Variants in MPPED1 observed in about 807,000 individuals in gnomAD.
MPPED1 encodes the protein metallophosphoesterase domain containing 1.
Under a neutral mutation model 36.2 loss-of-function variants are expected in MPPED1, and 16 were observed. The ratio of observed to expected loss-of-function variants is 0.44; its 90% confidence interval spans 0.30 to 0.67. The LOEUF (loss-of-function observed/expected upper bound fraction) is 0.67. Among genes scored for constraint, MPPED1 ranks in the 30% least tolerant of loss-of-function variants. The pLI, the probability that MPPED1 is intolerant of heterozygous loss-of-function variation, is 0.10. For missense variants in MPPED1, 307 were observed against 453.4 expected (o/e 0.68, Z 2.93); for synonymous variants, 199 against 191.3 (o/e 1.04, Z -0.33).
chr22:43,448,727 T>C (rs1930452567), intron 3 of MPPED1, among the ~76,000 whole-genome samples: 2 of 151,982 alleles, frequency 1.3e-5, no homozygotes, highest in Non-Finnish European at 2.9e-5. Flanking sequence ...CTCAGCCTCT[T>C]GAGTAGCTGG....
At chr22:43,493,393 C>A (rs2146907625) in intron 4 of MPPED1, among the ~76,000 whole-genome samples, 1 of 152,268 alleles carries the variant, frequency 6.6e-6, no homozygotes, top group South Asian at 2.1e-4. Context: ...CAGTGCATGG[C>A]CCAGGGAGGG....
intron 3 of MPPED1, among the ~76,000 whole-genome samples, chr22:43,456,744 C>T (rs1930769477): frequency 6.6e-6 from 1 of 152,230 alleles, no homozygotes; most frequent in Non-Finnish European, 1.5e-5. Flanking sequence ...GATCCATCCA[C>T]CTCAGCCTCC....
At chr22:43,500,184 ATGGTG>A (rs1932639411) in intron 5 of MPPED1, among the ~76,000 whole-genome samples, 3 of 12,788 alleles carry the variant, frequency 2.3e-4, no homozygotes, top group Admixed American at 7.6e-4. Flanking sequence ...GGTGGTGGTG[ATGGTG>A]ATGGAGGTGG....
At chr22:43,433,013 C>G (rs913926110) in intron 2 of MPPED1, among the ~76,000 whole-genome samples, 4 of 151,962 alleles carry the variant, frequency 2.6e-5, no homozygotes, top group Non-Finnish European at 5.9e-5. Context: ...ATTCCTGTGC[C>G]AGGCCAGTAG....
rs374257081 is a variant in MPPED1, at chr22:43,418,188, G to C, written c.-79+6030G>C. 11 of 456,060 alleles carry C rather than the reference G, an allele frequency of 2.4e-5. No individual in the cohort carries two copies. In the Admixed American group the frequency reaches 2.6e-4, roughly 11 times the overall value. 28.3% of individuals were successfully genotyped at this position (456,060 alleles called of 1,614,324 possible). The stretch of plus-strand genomic sequence containing the variant: ...TCAGAGTGACCTTTTCCTTCCAAAC[G>C]AGAGCACTTTCGAGAGCCGGAGAGG... On this transcript the variant is annotated intron_variant, in intron 1 of 6. Coordinates refer to ENST00000443721, the MANE Select transcript of MPPED1 (RefSeq NM_001044370.2).
intron 3 of MPPED1, among the ~76,000 whole-genome samples, chr22:43,459,032 T>C (rs1457201921): frequency 6.6e-6 from 1 of 152,104 alleles, no homozygotes; most frequent in Non-Finnish European, 1.5e-5. Flanking sequence ...ATGTTTTTCA[T>C]CAAATTTGGG....
chr22:43,507,608 A>T lies in MPPED1; in HGVS notation c.*1992A>T, dbSNP rs1469958166. On this transcript the variant is annotated 3_prime_UTR_variant, in exon 7 of 7. Transcript: ENST00000443721. ...CTCCACTCAATTTCTATGTGGACCA[A>T]GAACGATAAACTTAAAAAAATTTTT... 6.6e-6 allele frequency: 1 copy of T among 152,208 alleles called. No homozygotes were observed. Among genetic ancestry groups the T allele is most frequent in the Non-Finnish European group, 1.5e-5 (1 of 68,040 alleles). The allele number at this position is 152,208 out of a possible 1,614,324, so 9.4% of individuals were successfully genotyped here.
At position 43,474,635 on chromosome 22, in the gene MPPED1, T is replaced by C; in HGVS notation, c.407-101T>C. ...CACGAGCTGACCTTTGACCAGGAGT[T>C]CATGCAGCTTCCTCCTGCCCGCCCC... is the stretch of plus-strand genomic sequence containing the variant. On this transcript the variant is annotated intron_variant, in intron 3 of 6. Transcript: ENST00000443721. This position sits in a 1 kb window ranked among gnomAD's most constrained non-coding sequence, Gnocchi z 5.2. 1 of 1,560,568 alleles carries C rather than the reference T, an allele frequency of 6.4e-7. No homozygotes were observed. The highest frequency in any genetic ancestry group is 8.8e-7 in the Non-Finnish European group (1 of 1,139,414).
rs1932831601 is a variant in MPPED1, at chr22:43,507,566, G to C, written c.*1950G>C. ...ACATGTGTGCGGGTGGAGAAAAGCA[G>C]GCCCTTTCAGTGCCAGCTCCACTCA... On this transcript the variant is annotated 3_prime_UTR_variant, in exon 7 of 7. Transcript: ENST00000443721. 6.6e-6 allele frequency: 1 copy of C among 152,184 alleles called. No individual in the cohort carries two copies. The highest frequency in any genetic ancestry group is 3.2e-3 in the Middle Eastern group (1 of 316). 9.4% of individuals were successfully genotyped at this position (152,184 alleles called of 1,614,324 possible). A position where few individuals can be genotyped will look rare whatever the true frequency, so the allele number is the denominator to read the frequency against.
intron 1 of MPPED1, chr22:43,419,148 G>A (rs1451812610): frequency 6.6e-6 from 1 of 152,176 alleles, no homozygotes; most frequent in Admixed American, 6.5e-5. Flanking sequence ...ATTAAGGGGG[G>A]CAAAGCTGCT....
chr22:43,469,591 C>CAT (rs377723044), intron 3 of MPPED1, among the ~76,000 whole-genome samples: 1,295 of 113,812 alleles, frequency 0.011, 13 homozygotes, highest in African/African-American at 0.04. Flanking sequence ...ATGGTCAGGC[C>CAT]ATGCTGGGAC....
At chr22:43,470,062 A>G (rs1931314829) in intron 3 of MPPED1, among the ~76,000 whole-genome samples, 1 of 150,308 alleles carries the variant, frequency 6.7e-6, no homozygotes, top group Admixed American at 6.7e-5. Context: ...CCATACATAT[A>G]TAAATCATCC....
At chr22:43,441,399 C>T (rs188366310) in intron 3 of MPPED1, among the ~76,000 whole-genome samples, 131 of 152,350 alleles carry the variant, frequency 8.6e-4, no homozygotes, top group Non-Finnish European at 1.6e-3. Context: ...GTGTGCCAGC[C>T]TACTGGCCTC....
At chr22:43,450,820 G>A (rs915046954) in intron 3 of MPPED1, among the ~76,000 whole-genome samples, 8 of 151,844 alleles carry the variant, frequency 5.3e-5, no homozygotes, top group Non-Finnish European at 8.8e-5. Flanking sequence ...TCTGCCTCCC[G>A]GGTTCAGACG....
chr22:43,462,854 G>C lies in MPPED1; in HGVS notation c.407-11882G>C, dbSNP rs551912997. Among the ~76,000 whole-genome samples, 3 of 152,044 alleles carry C rather than the reference G, an allele frequency of 2.0e-5. No individual in the cohort carries two copies. In the South Asian group the frequency reaches 6.2e-4, roughly 32 times the overall value. On this transcript the variant is annotated intron_variant, in intron 3 of 6. Transcript: ENST00000443721. ...ACCTTTCTTCTGTCTTGTAACCCCT[G>C]GTTCTGGGATCCAATGGTTTCCTTT...
At chr22:43,451,214 C>A (rs1378589662) in intron 3 of MPPED1, among the ~76,000 whole-genome samples, 1 of 152,020 alleles carries the variant, frequency 6.6e-6, no homozygotes, top group African/African-American at 2.4e-5. Context: ...ACGATGTTGG[C>A]CAGGATGGTC....
intron 1 of MPPED1, among the ~76,000 whole-genome samples, chr22:43,412,980 C>T (rs1463873613): frequency 6.6e-6 from 1 of 152,210 alleles, no homozygotes; most frequent in Non-Finnish European, 1.5e-5. Flanking sequence ...ACTCACCCTG[C>T]TCCTTTCCCT....
At chr22:43,480,821 CTTTTCTTT>C (rs1931725628) in intron 4 of MPPED1, among the ~76,000 whole-genome samples, 1 of 146,934 alleles carries the variant, frequency 6.8e-6, no homozygotes, top group Non-Finnish European at 1.5e-5. Context: ...TTTTTCTTTT[CTTTTCTTT>C]TTTTTTTTTT....
intron 4 of MPPED1, among the ~76,000 whole-genome samples, chr22:43,497,029 G>A (rs1290319863): frequency 1.2e-4 from 17 of 141,876 alleles, no homozygotes; most frequent in East Asian, 2.2e-4. Flanking sequence ...TGGTGGAAGT[G>A]GTGGTGGTGG....
Sources: gnomAD v4.1 joint callset for allele counts (sites outside exome capture counted in the v4.1 genomes callset) on GRCh38, gnomAD v4.1.1 for gene constraint, Gnocchi (gnomAD v3.1) non-coding constraint, MANE v1.5 for transcripts, NCBI Gene and HGNC (gene_info 2026-07-23, HGNC 2026-07-21) for gene names.